The following MYLK variants were observed in gnomAD, a reference collection of about 807,000 sequenced individuals.
MYLK encodes myosin light chain kinase.
MYLK carries 106 observed loss-of-function variants against 203.4 expected under a neutral mutation model. That is an observed-to-expected ratio of 0.52 (90% confidence interval 0.45 to 0.61). The LOEUF (loss-of-function observed/expected upper bound fraction) is 0.61, where lower values mean the gene tolerates loss of function less well. Among genes scored for constraint, MYLK ranks in the 20% least tolerant of loss-of-function variants. MYLK has a pLI of 0.00. For missense variants in MYLK, 2,072 were observed against 2,442.3 expected (o/e 0.85, Z 3.20); for synonymous variants, 867 against 959.5 (o/e 0.90, Z 1.78).
chr3:123,819,697 A>G (rs2065856895), intron 3 of MYLK, among the ~76,000 whole-genome samples: 1 of 151,308 alleles, frequency 6.6e-6, no homozygotes, highest in African/African-American at 2.4e-5. Flanking sequence ...TAAGTAAAGA[A>G]TGTTTCCTTA....
intron 3 of MYLK, among the ~76,000 whole-genome samples, chr3:123,825,473 T>A (rs935419628): frequency 6.6e-6 from 1 of 152,158 alleles, no homozygotes; most frequent in Non-Finnish European, 1.5e-5. Flanking sequence ...CTACAGTCCT[T>A]ACAACAGGAG....
chr3:123,757,084 C>A (rs779994410), intron 4 of MYLK, among the ~76,000 whole-genome samples: 2 of 152,200 alleles, frequency 1.3e-5, no homozygotes, highest in Non-Finnish European at 2.9e-5. Flanking sequence ...TGCATTCTAC[C>A]TGCCTGTCTC....
intron 4 of MYLK, among the ~76,000 whole-genome samples, chr3:123,766,135 G>T (rs2063693968): frequency 6.6e-6 from 1 of 152,184 alleles, no homozygotes; most frequent in Non-Finnish European, 1.5e-5. Context: ...ATCTATTTCA[G>T]AACTCTCTGT....
chr3:123,831,306 T>C (rs2066318959), intron 3 of MYLK: 1 of 1,187,962 alleles, frequency 8.4e-7, no homozygotes, highest in Middle Eastern at 2.3e-4. Context: ...GTTCCAATGA[T>C]GATTTCCACC....
chr3:123,680,796 A>G (rs965232498), intron 20 of MYLK, among the ~76,000 whole-genome samples: 1 of 152,214 alleles, frequency 6.6e-6, no homozygotes, highest in African/African-American at 2.4e-5. Flanking sequence ...ATTTTCCCCT[A>G]TCAGTACGGG....
chr3:123,757,239 G>A (rs1015616884), intron 4 of MYLK, among the ~76,000 whole-genome samples: 28 of 152,276 alleles, frequency 1.8e-4, no homozygotes, highest in South Asian at 6.2e-4. Flanking sequence ...TGCTTAGGAC[G>A]GGCTACCATA....
At chr3:123,848,675 G>A (rs1403595686) in intron 2 of MYLK, among the ~76,000 whole-genome samples, 1 of 152,184 alleles carries the variant, frequency 6.6e-6, no homozygotes, top group East Asian at 1.9e-4. Context: ...TTCAAAACCT[G>A]TCCTTTCTCC....
At chr3:123,764,837 A>G (rs1222579760) in intron 4 of MYLK, among the ~76,000 whole-genome samples, 1 of 152,096 alleles carries the variant, frequency 6.6e-6, no homozygotes, top group Non-Finnish European at 1.5e-5. Flanking sequence ...TCATCTTCCA[A>G]TTGCTTCATC....
chr3:123,740,061 A>C, intron 5 of MYLK, 60 bp from the exon 6 acceptor site: 1 of 1,569,324 alleles, frequency 6.4e-7, no homozygotes, highest in Non-Finnish European at 8.8e-7. Flanking sequence ...AATGAAAGTA[A>C]AAAGATTCAA....
chr3:123,838,642 A>G (rs2148641879), intron 2 of MYLK, among the ~76,000 whole-genome samples: 1 of 152,350 alleles, frequency 6.6e-6, no homozygotes, highest in South Asian at 2.1e-4. Context: ...AGAAGAAAGA[A>G]CTTGGAGTAT....
chr3:123,752,282 G>A, intron 5 of MYLK, 49 bp downstream of exon 5: 1 of 1,590,326 alleles, frequency 6.3e-7, no homozygotes, highest in Non-Finnish European at 8.6e-7. Context: ...AGGCCTTGGG[G>A]TAACTGAGAG....
chr3:123,638,466 T>C (rs1336378224), intron 28 of MYLK, among the ~76,000 whole-genome samples: 1 of 152,194 alleles, frequency 6.6e-6, no homozygotes, highest in Non-Finnish European at 1.5e-5. Flanking sequence ...CTGAATGGTC[T>C]TTTTGTGAGT....
At chr3:123,830,098 T>G (rs2066271957) in intron 3 of MYLK, among the ~76,000 whole-genome samples, 1 of 152,268 alleles carries the variant, frequency 6.6e-6, no homozygotes, top group Admixed American at 6.5e-5. Context: ...GGCACTACTT[T>G]CATCCTGACT....
chr3:123,818,933 A>G (rs2065832993), intron 3 of MYLK, among the ~76,000 whole-genome samples: 1 of 152,204 alleles, frequency 6.6e-6, no homozygotes, highest in African/African-American at 2.4e-5. Flanking sequence ...TACATAATAC[A>G]TACACAAGTC....
At chr3:123,650,682 G>A (rs767559991) in intron 24 of MYLK, among the ~76,000 whole-genome samples, 4 of 152,150 alleles carry the variant, frequency 2.6e-5, no homozygotes, top group Admixed American at 1.3e-4. Context: ...TGGGTTTCAC[G>A]GTTACTGTCG....
In MYLK at chr3:123,734,241, GGGGGTA is replaced by G; in HGVS notation, c.774-25_774-20del. The G allele has an allele frequency of 6.7e-7, 1 of 1,485,736 alleles. No homozygotes were observed. Among genetic ancestry groups the G allele is most frequent in the Non-Finnish European group, 8.9e-7 (1 of 1,122,458 alleles). The allele number at this position is 1,485,736 out of a possible 1,614,324, so 92.0% of individuals were successfully genotyped here. A position where few individuals can be genotyped will look rare whatever the true frequency, so the allele number is the denominator to read the frequency against. ...AAATGACCTGTGTGGTGGTGAGGGT[GGGGGTA>G]GGGTGGGTGAGGAGAGGGGAGAATA... On this transcript the variant is annotated intron_variant, in intron 9 of 33. Coordinates refer to ENST00000360304, the MANE Select transcript of MYLK (RefSeq NM_053025.4).
intron 2 of MYLK, among the ~76,000 whole-genome samples, chr3:123,853,406 T>C (rs2031043603): frequency 6.6e-6 from 1 of 152,092 alleles, no homozygotes; most frequent in African/African-American, 2.4e-5. Context: ...GTCAAGAGCC[T>C]TGGAGAACAA....
intron 5 of MYLK, among the ~76,000 whole-genome samples, chr3:123,741,875 C>T (rs2062866533): frequency 6.6e-6 from 1 of 152,100 alleles, no homozygotes; most frequent in Admixed American, 6.5e-5. Context: ...TCATTCGTTC[C>T]TCAGCACACT....
chr3:123,722,135 G>A lies in MYLK; in HGVS notation c.1797C>T (p.Thr599=), dbSNP rs753052110. 3 of 1,566,050 alleles carry A rather than the reference G, an allele frequency of 1.9e-6. No individual in the cohort carries two copies. Among genetic ancestry groups the A allele is most frequent in the East Asian group, 2.4e-5 (1 of 42,132 alleles). Residue 599 remains threonine, a synonymous_variant, in exon 13 of 34, where the codon ACC becomes ACT. Coordinates refer to ENST00000360304, the MANE Select transcript of MYLK (RefSeq NM_053025.4). ...LGQVSCSAWV[T]VHEKKSSRKS... ...GTGCCCAGAGGCTCCTACCATGGAC[G>A]GTGACCCAGGCGCTGCAGGACACCT...
Sources: allele counts gnomAD v4.1 joint callset (sites outside exome capture counted in the v4.1 genomes callset), GRCh38; gene constraint gnomAD v4.1.1; transcripts MANE v1.5; gene names NCBI Gene and HGNC (gene_info 2026-07-23, HGNC 2026-07-21).